The following GLYR1 variants were observed in gnomAD, a reference collection of about 807,000 sequenced individuals.
GLYR1 encodes the protein cytokine-like nuclear factor N-PAC.
GLYR1 carries 21 observed loss-of-function variants against 72.7 expected under a neutral mutation model. That is an observed-to-expected ratio of 0.29 (90% CI 0.20 to 0.42). The LOEUF is 0.42. Ranked by LOEUF, GLYR1 falls within the 10% of genes least tolerant of loss-of-function variation. The probability of loss-of-function intolerance (pLI) is 1.00; values close to 1 mark genes in which losing one functional copy is unlikely to be tolerated. For missense variants in GLYR1, 594 were observed against 712.1 expected (o/e 0.83, Z 1.89); for synonymous variants, 392 against 270.2 (o/e 1.45, Z -4.42).
In GLYR1 at chr16:4,812,036, AGAG is replaced by A. The variant is rs754557295; in HGVS notation, c.1282+47_1282+49del. On this transcript the variant is annotated intron_variant, in intron 13 of 15. Transcript: ENST00000321919. Reference sequence around the variant, plus strand: ...ACTGACGCTGTCATCAGTGTGAAACAGAGGAGATGTGGCCCCAGGCTCCAGGCC... The same window carrying A: ...ACTGACGCTGTCATCAGTGTGAAACAGAGATGTGGCCCCAGGCTCCAGGCC... 22 of 1,583,446 alleles carry A rather than the reference AGAG, an allele frequency of 1.4e-5. No individual in the cohort carries two copies. The South Asian group carries it at 1.7e-4, about 12-fold the overall frequency.
At position 4,823,845 on chromosome 16, in the gene GLYR1, A is replaced by G. The variant is rs1440100179; in HGVS notation, c.600T>C (p.Phe200=). The change falls in exon 6 of 16, where the codon TTT becomes TTC. Residue 200 remains phenylalanine (F), a synonymous_variant. Coordinates refer to ENST00000321919, the MANE Select transcript of GLYR1 (RefSeq NM_032569.4). ...CCTCGCTTGCGGTTGGCTGCCATTT[A>G]AACGCGGCCATCGGTCCGGCCATCA... ...KGMMAGPMAA[F]KWQPTASEPV... 3.1e-6 allele frequency: 5 copies of G among 1,613,884 alleles called. No homozygotes were observed. Among genetic ancestry groups the G allele is most frequent in the Non-Finnish European group, 3.4e-6 (4 of 1,180,006 alleles).
intron 9 of GLYR1, 58 bp downstream of exon 9, chr16:4,821,322 T>C: frequency 6.3e-7 from 1 of 1,577,352 alleles, no homozygotes; most frequent in Admixed American, 1.7e-5. Flanking sequence ...TGGGGTCACC[T>C]TCTCCCCACC....
At chr16:4,821,250 T>TC (rs1338453554) in intron 9 of GLYR1, 130 bp downstream of exon 9, 6 of 874,896 alleles carry the variant, frequency 6.9e-6, no homozygotes, top group Non-Finnish European at 1.1e-5. Flanking sequence ...AGTTACAACA[T>TC]CCCCCCACCT....
chr16:4,828,511 CG>C (rs2084576852), intron 5 of GLYR1, among the ~76,000 whole-genome samples: 1 of 152,108 alleles, frequency 6.6e-6, no homozygotes, highest in African/African-American at 2.4e-5. Flanking sequence ...GTATCTCCAA[CG>C]TATGCTACAC....
intron 5 of GLYR1, among the ~76,000 whole-genome samples, chr16:4,830,081 G>C (rs1323853826): frequency 6.6e-6 from 1 of 152,182 alleles, no homozygotes; most frequent in African/African-American, 2.4e-5. Context: ...TAGGATTACA[G>C]GTGTGAGCTA....
chr16:4,806,828 G>A (rs1296890889), intron 15 of GLYR1, among the ~76,000 whole-genome samples: 3 of 149,984 alleles, frequency 2.0e-5, no homozygotes, highest in Non-Finnish European at 4.4e-5. Flanking sequence ...TTGAGATGGA[G>A]TCTTGCTCTG....
At chr16:4,811,960 G>C in intron 13 of GLYR1, 126 bp downstream of exon 13, 1 of 1,431,462 alleles carries the variant, frequency 7.0e-7, no homozygotes, top group Non-Finnish European at 9.4e-7. Flanking sequence ...CACTGACTAT[G>C]CAGGTGAAAG....
intron 15 of GLYR1, among the ~76,000 whole-genome samples, chr16:4,809,160 T>C (rs1336534359): frequency 1.4e-5 from 2 of 146,018 alleles, no homozygotes; most frequent in Non-Finnish European, 3.0e-5. Context: ...ATGAAAACAA[T>C]AAGCCTGAGA....
chr16:4,823,053 T>C (rs1048938924), intron 6 of GLYR1, 122 bp from the exon 7 acceptor site: 2 of 829,932 alleles, frequency 2.4e-6, no homozygotes, highest in East Asian at 2.5e-5. Context: ...TTTTTCACAA[T>C]TGTCTGGAAA....
intron 3 of GLYR1, among the ~76,000 whole-genome samples, chr16:4,834,034 A>G (rs2084963679): frequency 6.6e-6 from 1 of 152,312 alleles, no homozygotes; most frequent in East Asian, 1.9e-4. Flanking sequence ...AAGCTAGAGA[A>G]TATTCACTAA....
chr16:4,821,243 T>G lies in GLYR1; in HGVS notation c.806+137A>C. The stretch of plus-strand genomic sequence containing the variant: ...GACTCCTGTCTTTATCGATAAGAGT[T>G]ACAACATCCCCCCACCTTTTCCATT... On this transcript the variant is annotated intron_variant, in intron 9 of 15. Transcript: ENST00000321919. 8.3e-6 allele frequency: 7 copies of G among 841,514 alleles called. No individual in the cohort carries two copies. In the South Asian group the frequency reaches 9.1e-5, roughly 11 times the overall value. The allele number at this position is 841,514 out of a possible 1,614,324, so 52.1% of individuals were successfully genotyped here.
intron 9 of GLYR1, among the ~76,000 whole-genome samples, chr16:4,818,613 C>T (rs118055233): frequency 6.6e-6 from 1 of 152,266 alleles, no homozygotes; most frequent in East Asian, 1.9e-4. Flanking sequence ...CAACAGAATC[C>T]ACCACAAGTC....
chr16:4,810,515 A>G (rs1421035745), intron 15 of GLYR1, among the ~76,000 whole-genome samples: 3 of 151,374 alleles, frequency 2.0e-5, no homozygotes, highest in Non-Finnish European at 2.9e-5. Flanking sequence ...GTCTCAAAAA[A>G]AAGAAAAAGA....
chr16:4,846,756 A>C, intron 1 of GLYR1: 1 of 227,910 alleles, frequency 4.4e-6, no homozygotes, highest in Non-Finnish European at 8.8e-6. Flanking sequence ...TCGCGGGGCA[A>C]CGCCAGCAGT....
At chr16:4,847,165 A>C (rs2086207727) in intron 1 of GLYR1, 63 bp downstream of exon 1, 2 of 1,494,962 alleles carry the variant, frequency 1.3e-6, no homozygotes, top group Admixed American at 3.7e-5. Flanking sequence ...GCCGGCAGCG[A>C]ACCCCGCGCC....
At position 4,847,216 on chromosome 16, in the gene GLYR1, G is replaced by A. The variant is rs1300150174; in HGVS notation, c.38+12C>T. The A allele has an allele frequency of 2.5e-6, 4 of 1,601,468 alleles. No homozygotes were observed. The highest frequency in any genetic ancestry group is 2.7e-5 in the African/African-American group (2 of 74,214). On this transcript the variant is annotated intron_variant, in intron 1 of 15. Transcript: ENST00000321919. ...CCGGCGCGTCTCGGTTGGCCCGGCC[G>A]CTCGGACTCACCACACCAAGTCGCC...
At chr16:4,821,278 C>T (rs1167670636) in intron 9 of GLYR1, 102 bp downstream of exon 9, 3 of 1,139,554 alleles carry the variant, frequency 2.6e-6, no homozygotes, top group Non-Finnish European at 4.0e-6. Context: ...TCAATGCCAG[C>T]AATGGCTGGG....
chr16:4,805,978 C>G (rs1471333445), intron 15 of GLYR1, among the ~76,000 whole-genome samples: 2 of 151,778 alleles, frequency 1.3e-5, no homozygotes, highest in Admixed American at 6.6e-5. Context: ...GAGACTCTGT[C>G]TCAAAAACAA....
rs1466310983 is a variant in GLYR1 at position 4,812,140 on chromosome 16, A to G, written c.1228T>C (p.Tyr410His). The change falls in exon 13 of 16, where the codon TAT (tyrosine) becomes CAT (histidine). Residue 410 changes from tyrosine (Y) to histidine (H), a missense_variant. Tyr to His is a moderately conservative substitution (Grantham distance 83, BLOSUM62 2). This residue lies in a region of GLYR1 where 266 missense variants were observed against 358.4 expected (regional missense o/e 0.74). Coordinates refer to ENST00000321919, the MANE Select transcript of GLYR1 (RefSeq NM_032569.4). Reference protein sequence around the residue: ...VILAAGDRGLYEDCSSCFQAM... With the variant: ...VILAAGDRGLHEDCSSCFQAM... ...TGGAAGCAGCTGCTGCAGTCCTCAT[A>G]TAAGCCCCTGTCTCCAGCCGCTAAG... 4 of 1,614,150 alleles carry G rather than the reference A, an allele frequency of 2.5e-6. No individual in the cohort carries two copies. Among genetic ancestry groups the G allele is most frequent in the South Asian group, 1.1e-5 (1 of 91,088 alleles).
Sources: allele counts gnomAD v4.1 joint callset (sites outside exome capture counted in the v4.1 genomes callset), GRCh38; gene constraint gnomAD v4.1.1; regional missense constraint gnomAD v4.1.1; transcripts MANE v1.5; gene names NCBI Gene and HGNC (gene_info 2026-07-23, HGNC 2026-07-21).